Variants in DMGDH observed in about 807,000 individuals in gnomAD.
DMGDH encodes dimethylglycine dehydrogenase, mitochondrial.
A neutral mutation model predicts 95.2 loss-of-function variants in DMGDH; 76 were observed. The ratio of observed to expected loss-of-function variants is 0.80; its 90% CI spans 0.66 to 0.97. The LOEUF is 0.97. Among genes scored for constraint, DMGDH ranks in the 50% least tolerant of loss-of-function variants. The pLI is 0.00. For missense variants in DMGDH, 987 were observed against 1,055.0 expected, an observed-to-expected ratio of 0.94 and a Z score of 0.89; for synonymous variants, 345 against 377.6, an observed-to-expected ratio of 0.91 and a Z score of 1.00.
At chr5:79,019,060 T>C (rs1753800828) in intron 14 of DMGDH, among the ~76,000 whole-genome samples, 1 of 152,174 alleles carries the variant, frequency 6.6e-6, no homozygotes, top group African/African-American at 2.4e-5. Context: ...ATGTGGCTCA[T>C]AAAGATAACA....
intron 15 of DMGDH, among the ~76,000 whole-genome samples, chr5:79,004,324 A>G (rs1753506900): frequency 6.6e-6 from 1 of 152,226 alleles, no homozygotes; most frequent in Non-Finnish European, 1.5e-5. Context: ...GTGATTTGAC[A>G]CCACTGGCTT....
intron 1 of DMGDH, among the ~76,000 whole-genome samples, chr5:79,069,159 AGT>A (rs200446860): frequency 8.3e-6 from 1 of 120,690 alleles, no homozygotes; most frequent in African/African-American, 2.5e-5. Flanking sequence ...AAGGCAAGTC[AGT>A]GTGTGCTGAT....
chr5:79,024,632 A>AT (rs778103934), intron 13 of DMGDH, among the ~76,000 whole-genome samples: 1 of 152,176 alleles, frequency 6.6e-6, no homozygotes, highest in Non-Finnish European at 1.5e-5. Context: ...TAGAAACAAG[A>AT]TTTTCACATG....
rs1805073 is a variant in DMGDH at position 79,030,927 on chromosome 5, G to C, written c.1589C>G (p.Ala530Gly). 0.29 allele frequency: 465,363 copies of C among 1,613,572 alleles called. 70,233 individuals carry two copies. The highest frequency in any genetic ancestry group is 0.48 in the African/African-American group (35,723 of 74,900). ...GCCAAATGGTGATAGGTCAGTTACCGCTACTCTTTGCATAACCTGTTTATA... is the reference window on the plus strand; with the variant it reads ...GCCAAATGGTGATAGGTCAGTTACCCCTACTCTTTGCATAACCTGTTTATA... Reference protein sequence around the residue: ...SEYKQVMQRVAVTDLSPFGKF... With the variant: ...SEYKQVMQRVGVTDLSPFGKF... Residue 530 changes from alanine (A) to glycine (G), a missense_variant, in exon 10 of 16, where the codon GCG (alanine) becomes GGG (glycine). By Grantham distance (60) the Ala-to-Gly change is moderately conservative. Coordinates refer to ENST00000255189, the MANE Select transcript of DMGDH (RefSeq NM_013391.3).
At position 79,000,935 on chromosome 5, in the gene DMGDH, G is replaced by A. The variant is rs575228506; in HGVS notation, c.2386-2638C>T. The A allele has an allele frequency of 4.0e-5, 27 of 674,852 alleles. No homozygotes were observed. In the East Asian group the frequency reaches 6.5e-4, roughly 16 times the overall value. The allele number at this position is 674,852 out of a possible 1,614,324, so 41.8% of individuals were successfully genotyped here. On this transcript the variant is annotated intron_variant, in intron 15 of 15. Coordinates refer to ENST00000255189, the MANE Select transcript of DMGDH (RefSeq NM_013391.3). ...GATAGACAGGTGGAGCTGTACCTGG[G>A]TCCTCATTTGGCAGCATCACTTGCA...
At chr5:79,057,390 T>C (rs571318613) in intron 2 of DMGDH, among the ~76,000 whole-genome samples, 2 of 152,338 alleles carry the variant, frequency 1.3e-5, no homozygotes, top group Admixed American at 1.3e-4. Context: ...GGTACTTCTA[T>C]GGTAGTGGTG....
At chr5:79,049,314 T>C (rs942381145) in intron 5 of DMGDH, among the ~76,000 whole-genome samples, 1 of 152,256 alleles carries the variant, frequency 6.6e-6, no homozygotes, top group Non-Finnish European at 1.5e-5. Context: ...TATGTACATA[T>C]GTTTATCCAT....
chr5:79,054,448 A>G lies in DMGDH; in HGVS notation c.376-100T>C. On this transcript the variant is annotated intron_variant, in intron 3 of 15. Transcript: ENST00000255189. ...AATGAAAATGCAGCTGTACAAAAAGATTTATTACGAGTGAAAGAAATAACT... is the reference window on the plus strand; with the variant it reads ...AATGAAAATGCAGCTGTACAAAAAGGTTTATTACGAGTGAAAGAAATAACT... 2.5e-6 allele frequency: 3 copies of G among 1,190,644 alleles called. No individual in the cohort carries two copies. In the South Asian group the frequency reaches 3.9e-5, roughly 15 times the overall value. The allele number at this position is 1,190,644 out of a possible 1,614,324, so 73.8% of individuals were successfully genotyped here. A position where few individuals can be genotyped will look rare whatever the true frequency, so the allele number is the denominator to read the frequency against.
At chr5:79,013,113 AC>A (rs1015682705) in intron 14 of DMGDH, among the ~76,000 whole-genome samples, 1 of 152,136 alleles carries the variant, frequency 6.6e-6, no homozygotes, top group Admixed American at 6.5e-5. Flanking sequence ...ATAAGTTCCA[AC>A]TTCAGGTCAT....
intron 5 of DMGDH, among the ~76,000 whole-genome samples, chr5:79,046,472 C>T (rs906619702): frequency 6.6e-6 from 1 of 152,086 alleles, no homozygotes; most frequent in African/African-American, 2.4e-5. Flanking sequence ...ACTGCAGCCT[C>T]GACCTCCCAG....
chr5:79,026,440 C>G lies in DMGDH; in HGVS notation c.2174G>C (p.Arg725Thr). 6.2e-7 allele frequency: 1 copy of G among 1,614,176 alleles called. No individual in the cohort carries two copies. The highest frequency in any genetic ancestry group is 8.5e-7 in the Non-Finnish European group (1 of 1,180,010). Residue 725 changes from arginine to threonine, a missense_variant, in exon 13 of 16, where the codon AGA becomes ACA. Arg to Thr is a moderately conservative substitution (Grantham distance 71). Coordinates refer to ENST00000255189, the MANE Select transcript of DMGDH (RefSeq NM_013391.3). Reference protein sequence around the residue: ...MNALRLEKAFRAWGLEMNCDT... With the variant: ...MNALRLEKAFTAWGLEMNCDT... Reference sequence around the variant, plus strand: ...ATTTCAAACCTCTAACCCCCAGGCTCTGAAGGCTTTCTCCAGGCGTAAGGC... The same window carrying G: ...ATTTCAAACCTCTAACCCCCAGGCTGTGAAGGCTTTCTCCAGGCGTAAGGC...
intron 7 of DMGDH, among the ~76,000 whole-genome samples, chr5:79,036,000 T>C (rs185077): frequency 0.48 from 73,095 of 152,088 alleles, 17,955 homozygotes; most frequent in East Asian, 0.64. Context: ...GCTAAAAGTA[T>C]AAAAGTATGG....
intron 1 of DMGDH, among the ~76,000 whole-genome samples, chr5:79,065,426 G>C (rs999279436): frequency 2.6e-5 from 4 of 151,898 alleles, no homozygotes; most frequent in Non-Finnish European, 5.9e-5. Context: ...TGGCCAGGCT[G>C]GTCTTAAACT....
chr5:79,015,117 C>T (rs1166493555), intron 14 of DMGDH, among the ~76,000 whole-genome samples: 1 of 152,106 alleles, frequency 6.6e-6, no homozygotes, highest in East Asian at 1.9e-4. Flanking sequence ...CTTGGCTACC[C>T]CAGAGTCCTC....
At position 79,026,429 on chromosome 5, in the gene DMGDH, A is replaced by ACC. The variant is rs774789784; in HGVS notation, c.2183_2184dup (p.Leu729GlyfsTer2). 6.2e-7 allele frequency: 1 copy of ACC among 1,614,018 alleles called. No individual in the cohort carries two copies. The highest frequency in any genetic ancestry group is 1.1e-5 in the South Asian group (1 of 91,072). ...AAGATGCTAGCATTTCAAACCTCTA[A>ACC]CCCCCAGGCTCTGAAGGCTTTCTCC... On this transcript the variant is annotated frameshift_variant, in exon 13 of 16. Coordinates refer to ENST00000255189, the MANE Select transcript of DMGDH (RefSeq NM_013391.3). LOFTEE classifies it high-confidence loss of function.
At chr5:79,009,522 G>C (rs914351634) in intron 14 of DMGDH, among the ~76,000 whole-genome samples, 4 of 152,016 alleles carry the variant, frequency 2.6e-5, no homozygotes, top group African/African-American at 9.7e-5. Flanking sequence ...ACCAGGCCTT[G>C]CTAATTTCTG....
At chr5:79,043,758 A>G (rs1754587430) in intron 6 of DMGDH, among the ~76,000 whole-genome samples, 2 of 152,228 alleles carry the variant, frequency 1.3e-5, no homozygotes, top group South Asian at 4.1e-4. Context: ...AGAACTTGAA[A>G]GAGAAACTAT....
chr5:79,045,662 AG>A (rs1272645934), intron 5 of DMGDH, among the ~76,000 whole-genome samples: 4 of 152,234 alleles, frequency 2.6e-5, no homozygotes, highest in African/African-American at 9.6e-5. Context: ...ATTTGGGGGC[AG>A]GGAGTTCTAT....
intron 14 of DMGDH, among the ~76,000 whole-genome samples, chr5:79,015,840 G>A (rs1753722971): frequency 6.6e-6 from 1 of 152,118 alleles, no homozygotes; most frequent in African/African-American, 2.4e-5. Flanking sequence ...CTGGCATAAT[G>A]TTAGAAAATT....
Sources: allele counts gnomAD v4.1 joint callset (sites outside exome capture counted in the v4.1 genomes callset), GRCh38; gene constraint gnomAD v4.1.1; transcripts MANE v1.5; gene names NCBI Gene and HGNC (gene_info 2026-07-23, HGNC 2026-07-21).